SLC24A2: variants seen among roughly 807,000 people sequenced by gnomAD.
SLC24A2 encodes the protein sodium/potassium/calcium exchanger 2.
Under a neutral mutation model 62.0 loss-of-function variants are expected in SLC24A2, and 36 were observed. The ratio of observed to expected loss-of-function variants is 0.58; its 90% CI spans 0.44 to 0.77. SLC24A2 has a LOEUF of 0.77. Ranked by LOEUF, SLC24A2 falls within the 30% of genes least tolerant of loss-of-function variation. SLC24A2 has a pLI of 0.00. For synonymous variants in SLC24A2, 358 were observed against 294.0 expected, an observed-to-expected ratio of 1.22 and a Z score of -2.23; for missense variants, 846 against 817.9, an observed-to-expected ratio of 1.03 and a Z score of -0.42.
At chr9:19,858,635 G>T in the SLC24A2 span, among the ~76,000 whole-genome samples, 1 of 152,000 alleles carries the variant, frequency 6.6e-6, no homozygotes, top group Admixed American at 6.5e-5. Context: ...TTCATTTAAG[G>T]AACTTAAATG....
At chr9:19,547,390 C>G (rs576287259) in intron 8 of SLC24A2, among the ~76,000 whole-genome samples, 2 of 152,278 alleles carry the variant, frequency 1.3e-5, no homozygotes, top group African/African-American at 4.8e-5. Context: ...TTTTCTTGCT[C>G]TGTGCCTCTC....
intron 2 of SLC24A2, among the ~76,000 whole-genome samples, chr9:19,669,300 G>A (rs1819346071): frequency 6.6e-6 from 1 of 152,086 alleles, no homozygotes; most frequent in Admixed American, 6.6e-5. Flanking sequence ...GTTGGGTGGG[G>A]AGTGGTGGTG....
the SLC24A2 span, among the ~76,000 whole-genome samples, chr9:19,796,062 A>T: frequency 6.9e-6 from 1 of 144,288 alleles, no homozygotes; most frequent in Non-Finnish European, 1.5e-5. Context: ...ATAGGTGGGA[A>T]TTGAACCATG....
At chr9:20,099,345 G>A in the SLC24A2 span, among the ~76,000 whole-genome samples, 2 of 152,094 alleles carry the variant, frequency 1.3e-5, no homozygotes, top group African/African-American at 4.8e-5. Flanking sequence ...TCTGGAAAAG[G>A]GCACTTACCT....
At chr9:20,148,682 C>T in the SLC24A2 span, among the ~76,000 whole-genome samples, 3 of 152,120 alleles carry the variant, frequency 2.0e-5, no homozygotes, top group Non-Finnish European at 2.9e-5. Flanking sequence ...CTCATTCCAT[C>T]CCTAGCATTA....
At chr9:20,263,455 C>T in the SLC24A2 span, among the ~76,000 whole-genome samples, 1 of 152,058 alleles carries the variant, frequency 6.6e-6, no homozygotes, top group African/African-American at 2.4e-5. Flanking sequence ...TACTATGTTT[C>T]CAGGGCTGGT....
chr9:19,875,560 A>T, the SLC24A2 span, among the ~76,000 whole-genome samples: 9,115 of 152,230 alleles, frequency 0.06, 420 homozygotes, highest in East Asian at 0.21. Flanking sequence ...GATTATCCTT[A>T]TGGGGAGGTT....
At chr9:19,898,741 C>CAAAAAAAAAAA in the SLC24A2 span, among the ~76,000 whole-genome samples, 7 of 97,254 alleles carry the variant, frequency 7.2e-5, 1 homozygote, top group East Asian at 2.5e-3. Context: ...GACTCCATCT[C>CAAAAAAAAAAA]AAAAAAAAAA....
At chr9:20,035,563 G>C in the SLC24A2 span, among the ~76,000 whole-genome samples, 1 of 152,178 alleles carries the variant, frequency 6.6e-6, no homozygotes, top group Non-Finnish European at 1.5e-5. Context: ...ACACCAATCT[G>C]GGCAACATAG....
intron 2 of SLC24A2, among the ~76,000 whole-genome samples, chr9:19,740,101 G>A (rs118087222): frequency 0.015 from 2,351 of 152,250 alleles, 34 homozygotes; most frequent in Middle Eastern, 0.034. Context: ...GCCAAGTGAT[G>A]GCAAGGATAT....
chr9:20,048,921 T>C, the SLC24A2 span, among the ~76,000 whole-genome samples: 1 of 151,458 alleles, frequency 6.6e-6, no homozygotes. Context: ...TTTATTTATG[T>C]ATTTTTTATT....
chr9:19,820,281 G>A, the SLC24A2 span, among the ~76,000 whole-genome samples: 1 of 149,630 alleles, frequency 6.7e-6, no homozygotes, highest in African/African-American at 2.5e-5. Flanking sequence ...TTGGGGGTTT[G>A]GGGGGAAGAG....
the SLC24A2 span, chr9:19,927,210 C>T: frequency 6.6e-6 from 1 of 152,318 alleles, no homozygotes; most frequent in African/African-American, 2.4e-5. Context: ...ATCGTAAGTC[C>T]CCAACCTGTG....
the SLC24A2 span, among the ~76,000 whole-genome samples, chr9:20,232,672 C>G: frequency 1.9e-4 from 29 of 151,996 alleles, no homozygotes; most frequent in Admixed American, 1.9e-3. Context: ...TTTGTTGATC[C>G]TTTCAAAAAA....
At chr9:19,680,851 T>TTGTCTG (rs961039680) in intron 2 of SLC24A2, among the ~76,000 whole-genome samples, 9 of 147,074 alleles carry the variant, frequency 6.1e-5, no homozygotes, top group African/African-American at 2.3e-4. Context: ...TATACCAGAG[T>TTGTCTG]TGTGTGTGTG....
chr9:20,074,059 C>G, the SLC24A2 span, among the ~76,000 whole-genome samples: 1 of 151,818 alleles, frequency 6.6e-6, no homozygotes, highest in Non-Finnish European at 1.5e-5. Flanking sequence ...AAAAGCAAGA[C>G]AGTAGAAGCC....
intron 5 of SLC24A2, among the ~76,000 whole-genome samples, chr9:19,578,708 T>G (rs1836111272): frequency 6.6e-6 from 1 of 152,168 alleles, no homozygotes; most frequent in Non-Finnish European, 1.5e-5. Context: ...ACTGCCCACC[T>G]CCATGGTTTG....
the SLC24A2 span, among the ~76,000 whole-genome samples, chr9:19,836,292 G>T: frequency 4.6e-5 from 7 of 152,086 alleles, no homozygotes; most frequent in African/African-American, 7.2e-5. Flanking sequence ...TCCAGGAGCT[G>T]GTTTTTTGAA....
chr9:20,230,095 G>C, the SLC24A2 span, among the ~76,000 whole-genome samples: 2 of 152,062 alleles, frequency 1.3e-5, no homozygotes, highest in African/African-American at 2.4e-5. Flanking sequence ...AGTATTCCAT[G>C]GTGTATATGT....
Sources: allele counts gnomAD v4.1 joint callset (sites outside exome capture counted in the v4.1 genomes callset), GRCh38; gene constraint gnomAD v4.1.1; transcripts MANE v1.5; gene names NCBI Gene and HGNC (gene_info 2026-07-23, HGNC 2026-07-21).